CSMD1: variants seen among roughly 807,000 people sequenced by gnomAD.
CSMD1 encodes the protein CUB and Sushi multiple domains 1, also known as CUB and sushi domain-containing protein 1.
A neutral mutation model predicts 417.5 loss-of-function variants in CSMD1; 213 were observed. The observed-to-expected ratio is 0.51, with a 90% CI of 0.46 to 0.57. The LOEUF (loss-of-function observed/expected upper bound fraction) is 0.57. CSMD1 is among the 20% of genes least tolerant of loss of function. The pLI is 0.00. For synonymous variants in CSMD1, 2,862 were observed against 1,736.8 expected, an observed-to-expected ratio of 1.65 and a Z score of -16.11; for missense variants, 6,923 against 4,529.7, an observed-to-expected ratio of 1.53 and a Z score of -15.17.
At chr8:4,697,570 G>C (rs1400934042) in intron 1 of CSMD1, among the ~76,000 whole-genome samples, 1 of 152,074 alleles carries the variant, frequency 6.6e-6, no homozygotes, top group Non-Finnish European at 1.5e-5. Flanking sequence ...AACAATTGTA[G>C]TATTCAAGTG....
At chr8:4,214,429 C>T (rs531695452) in intron 3 of CSMD1, among the ~76,000 whole-genome samples, 49 of 152,256 alleles carry the variant, frequency 3.2e-4, no homozygotes, top group African/African-American at 1.2e-3. Context: ...TTCTAAGTAG[C>T]TGAGACTGCA....
intron 69 of CSMD1, among the ~76,000 whole-genome samples, 173 bp downstream of exon 69, chr8:2,942,299 A>C (rs1019153259): frequency 1.3e-5 from 2 of 151,996 alleles, no homozygotes; most frequent in African/African-American, 4.8e-5. Flanking sequence ...ACAAACCTGC[A>C]CATCCGGCAC....
At chr8:4,191,345 G>A (rs547099132) in intron 3 of CSMD1, among the ~76,000 whole-genome samples, 3 of 152,244 alleles carry the variant, frequency 2.0e-5, no homozygotes, top group African/African-American at 7.2e-5. Context: ...GCAGTGAGCA[G>A]AGATCGCGCC....
At chr8:3,630,033 T>C (rs1454724107) in intron 7 of CSMD1, among the ~76,000 whole-genome samples, 2 of 147,360 alleles carry the variant, frequency 1.4e-5, no homozygotes, top group East Asian at 2.1e-4. Flanking sequence ...AAAGAAAACA[T>C]TTCAAATGAT....
Position 4,783,815 on chromosome 8 carries a change from C to T in CSMD1, c.86-146257G>A, listed in dbSNP as rs112310403. 3.2e-3 allele frequency among the ~76,000 whole-genome samples: 493 copies of T among 152,292 alleles called. 9 individuals are homozygous for T. Among genetic ancestry groups the T allele is most frequent in the African/African-American group, 0.011 (477 of 41,560 alleles). Reference sequence around the variant, plus strand: ...GGAGGCTTTGACACAAGGCATCAACCAGCCTAAGGAAAACATTCTTATATT... The same window carrying T: ...GGAGGCTTTGACACAAGGCATCAACTAGCCTAAGGAAAACATTCTTATATT... On this transcript the variant is annotated intron_variant, in intron 1 of 69. Coordinates refer to ENST00000635120, the MANE Select transcript of CSMD1 (RefSeq NM_033225.6).
intron 7 of CSMD1, among the ~76,000 whole-genome samples, chr8:3,681,023 T>C (rs1799633349): frequency 6.6e-6 from 1 of 152,196 alleles, no homozygotes; most frequent in Non-Finnish European, 1.5e-5. Context: ...AAATTAGGTA[T>C]TGATGGGACG....
chr8:3,295,436 T>C (rs1269086689), intron 25 of CSMD1, among the ~76,000 whole-genome samples: 1 of 152,128 alleles, frequency 6.6e-6, no homozygotes, highest in Non-Finnish European at 1.5e-5. Context: ...TCAATTTGCT[T>C]TTGTACTATT....
At chr8:2,981,466 T>A (rs1479756496) in intron 54 of CSMD1, among the ~76,000 whole-genome samples, 1 of 152,142 alleles carries the variant, frequency 6.6e-6, no homozygotes, top group Non-Finnish European at 1.5e-5. Flanking sequence ...TATAGGGTAA[T>A]GCGTCAGAAA....
At chr8:3,959,121 G>A (rs549495839) in intron 5 of CSMD1, among the ~76,000 whole-genome samples, 28 of 152,178 alleles carry the variant, frequency 1.8e-4, no homozygotes, top group African/African-American at 6.0e-4. Context: ...CTTTTATATC[G>A]CACACCAGTC....
chr8:4,637,224 G>A (rs1419406282), intron 2 of CSMD1, 118 bp downstream of exon 2: 13 of 826,332 alleles, frequency 1.6e-5, no homozygotes, highest in East Asian at 2.5e-5. Context: ...GCGAGGCCAC[G>A]AACCCACCGG....
chr8:4,386,396 C>G (rs564542935), intron 3 of CSMD1, among the ~76,000 whole-genome samples: 1 of 152,312 alleles, frequency 6.6e-6, no homozygotes, highest in South Asian at 2.1e-4. Context: ...AAGTTCCATC[C>G]CCGGTTATGA....
At chr8:3,695,346 G>T (rs1397483765) in intron 7 of CSMD1, among the ~76,000 whole-genome samples, 1 of 150,636 alleles carries the variant, frequency 6.6e-6, no homozygotes, top group African/African-American at 2.5e-5. Flanking sequence ...TGTAAGAAAT[G>T]ACAAATAACC....
chr8:4,330,567 G>C (rs1027304273), intron 3 of CSMD1, among the ~76,000 whole-genome samples: 4 of 148,150 alleles, frequency 2.7e-5, no homozygotes, highest in Admixed American at 1.4e-4. Flanking sequence ...TTCAGCCTGG[G>C]CAACAGAGTG....
At chr8:3,735,601 C>T (rs1327232592) in intron 6 of CSMD1, among the ~76,000 whole-genome samples, 6 of 152,212 alleles carry the variant, frequency 3.9e-5, no homozygotes, top group African/African-American at 1.4e-4. Context: ...CTTCACTACT[C>T]ATTTAACTCT....
intron 1 of CSMD1, among the ~76,000 whole-genome samples, chr8:4,945,964 T>G (rs1216236967): frequency 6.6e-6 from 1 of 152,120 alleles, no homozygotes; most frequent in Non-Finnish European, 1.5e-5. Context: ...AAGTAGGACA[T>G]ATCAGAGGCT....
intron 52 of CSMD1, among the ~76,000 whole-genome samples, chr8:3,016,002 C>T (rs1411862645): frequency 2.6e-5 from 4 of 152,122 alleles, no homozygotes; most frequent in Non-Finnish European, 4.4e-5. Context: ...CACACTCCTC[C>T]TTATTGGTCT....
intron 3 of CSMD1, among the ~76,000 whole-genome samples, chr8:4,327,591 G>A (rs773480168): frequency 1.3e-5 from 2 of 152,024 alleles, no homozygotes; most frequent in Admixed American, 6.6e-5. Flanking sequence ...ATACTACAAA[G>A]ATGTTACCAA....
intron 11 of CSMD1, among the ~76,000 whole-genome samples, chr8:3,490,466 A>C (rs1404957422): frequency 6.6e-6 from 1 of 152,164 alleles, no homozygotes; most frequent in Non-Finnish European, 1.5e-5. Flanking sequence ...GTTATTTAAC[A>C]ATTTTTCTCA....
At chr8:3,545,912 A>T (rs765706487) in intron 10 of CSMD1, among the ~76,000 whole-genome samples, 1 of 152,208 alleles carries the variant, frequency 6.6e-6, no homozygotes, top group Non-Finnish European at 1.5e-5. Flanking sequence ...TAGTGAATGC[A>T]TAGTGGGGAA....
Sources: allele counts gnomAD v4.1 joint callset (sites outside exome capture counted in the v4.1 genomes callset), GRCh38; gene constraint gnomAD v4.1.1; transcripts MANE v1.5; gene names NCBI Gene and HGNC (gene_info 2026-07-23, HGNC 2026-07-21).